Variants in SATB1 observed in about 807,000 individuals in gnomAD.
SATB1 encodes DNA-binding protein SATB1.
In SATB1, 11 loss-of-function variants were observed where a neutral mutation model predicts 86.9. The observed-to-expected ratio is 0.13, with a 90% CI of 0.08 to 0.21. SATB1 has a LOEUF of 0.21. Among genes scored for constraint, SATB1 ranks in the 10% least tolerant of loss-of-function variants. The pLI, the probability that SATB1 is intolerant of heterozygous loss-of-function variation, is 1.00. For missense variants in SATB1, 551 were observed against 937.6 expected (o/e 0.59, Z 5.39); for synonymous variants, 357 against 357.2 (o/e 1.00, Z 0.01).
At chr3:18,419,323 A>T (rs1020429926) in intron 2 of SATB1, among the ~76,000 whole-genome samples, 1 of 152,174 alleles carries the variant, frequency 6.6e-6, no homozygotes, top group Non-Finnish European at 1.5e-5. Context: ...ATAACCTTCC[A>T]GCATTTAAAG....
chr3:18,349,732 C>T lies in SATB1; in HGVS notation c.1780-50G>A. On this transcript the variant is annotated intron_variant, in intron 10 of 10. Coordinates refer to ENST00000338745, the MANE Select transcript of SATB1 (RefSeq NM_002971.6). The surrounding 1 kb of genome is among the most constrained non-coding windows in gnomAD (Gnocchi z 5.5). ...AGAGCTCTGCTATCGTGGAGTTCCA[C>T]ACAAAGCCGTCTCCAATCAGGAAAA... is the stretch of plus-strand genomic sequence containing the variant. 1.3e-6 allele frequency: 2 copies of T among 1,535,608 alleles called. No homozygotes were observed. The highest frequency in any genetic ancestry group is 8.8e-7 in the Non-Finnish European group (1 of 1,141,956).
intron 5 of SATB1, among the ~76,000 whole-genome samples, chr3:18,397,952 C>T (rs960366331): frequency 1.3e-5 from 2 of 152,146 alleles, no homozygotes; most frequent in Non-Finnish European, 2.9e-5. Context: ...CACAGAGATC[C>T]TCTATCAAGA....
At chr3:18,435,638 T>C (rs2125203216) in intron 2 of SATB1, among the ~76,000 whole-genome samples, 1 of 152,214 alleles carries the variant, frequency 6.6e-6, no homozygotes, top group South Asian at 2.1e-4. Flanking sequence ...CTACTTTCTT[T>C]AATTTTGAAA....
At position 18,444,742 on chromosome 3, in the gene SATB1, G is replaced by C; in HGVS notation, c.-25+776C>G. The C allele has an allele frequency of 1.4e-6, 1 of 739,194 alleles. No homozygotes were observed. The highest frequency in any genetic ancestry group is 1.7e-6 in the Non-Finnish European group (1 of 605,448). The allele number at this position is 739,194 out of a possible 1,614,324, so 45.8% of individuals were successfully genotyped here. On this transcript the variant is annotated intron_variant, in intron 1 of 3. Transcript: ENST00000415069. The surrounding 1 kb of genome is among the most constrained non-coding windows in gnomAD (Gnocchi z 5.1). Reference sequence around the variant, plus strand: ...CTCTCCTGCCGCCGCCGCCGCCGCCGGAGCTGCGGCTGCCGCGGAAGTTAA... The same window carrying C: ...CTCTCCTGCCGCCGCCGCCGCCGCCCGAGCTGCGGCTGCCGCGGAAGTTAA...
At chr3:18,375,258 G>C (rs1200149316) in intron 9 of SATB1, among the ~76,000 whole-genome samples, 2 of 152,132 alleles carry the variant, frequency 1.3e-5, no homozygotes, top group Non-Finnish European at 2.9e-5. Flanking sequence ...ATTTGGAGTT[G>C]GCTGTACTAC....
chr3:18,423,227 G>A (rs952731049), intron 1 of SATB1, among the ~76,000 whole-genome samples: 1 of 152,084 alleles, frequency 6.6e-6, no homozygotes, highest in African/African-American at 2.4e-5. Flanking sequence ...TGCAATGTCT[G>A]GTTGCCACAC....
At chr3:18,392,002 C>G (rs1172834260) in intron 7 of SATB1, among the ~76,000 whole-genome samples, 2 of 152,104 alleles carry the variant, frequency 1.3e-5, no homozygotes, top group African/African-American at 4.8e-5. Flanking sequence ...TTAAGTCAAA[C>G]ATCTTCAAAT....
In SATB1 at chr3:18,348,951, T is replaced by C. The variant is rs1694202718; in HGVS notation, c.*219A>G. On this transcript the variant is annotated 3_prime_UTR_variant, in exon 11 of 11. Coordinates refer to ENST00000338745, the MANE Select transcript of SATB1 (RefSeq NM_002971.6). ...CACAAATTTTAATACCAAACAATCC[T>C]TGATGCTTCACCTGGGGCTGCCAAG... The C allele has an allele frequency of 1.5e-6, 1 of 689,144 alleles. No individual in the cohort carries two copies. The allele number at this position is 689,144 out of a possible 1,614,324, so 42.7% of individuals were successfully genotyped here.
chr3:18,376,233 G>T (rs564805470), intron 9 of SATB1, among the ~76,000 whole-genome samples: 44 of 150,884 alleles, frequency 2.9e-4, no homozygotes, highest in Admixed American at 2.5e-3. Flanking sequence ...AGATAGCAAA[G>T]GAATTATCAA....
intron 9 of SATB1, among the ~76,000 whole-genome samples, chr3:18,359,288 T>C (rs1222307028): frequency 6.6e-6 from 1 of 151,984 alleles, no homozygotes; most frequent in Non-Finnish European, 1.5e-5. Flanking sequence ...CCAGAGCAGA[T>C]ACAAATGGTT....
intron 5 of SATB1, among the ~76,000 whole-genome samples, chr3:18,413,581 G>C (rs1367563740): frequency 6.6e-6 from 1 of 152,024 alleles, no homozygotes; most frequent in Non-Finnish European, 1.5e-5. Context: ...CCTGAAGTAA[G>C]AGTCACCCTT....
intron 9 of SATB1, among the ~76,000 whole-genome samples, chr3:18,375,032 C>T (rs974392967): frequency 3.9e-5 from 6 of 152,154 alleles, no homozygotes; most frequent in Admixed American, 1.3e-4. Context: ...GTACACCCAC[C>T]TCCATTAGGT....
intron 2 of SATB1, chr3:18,417,534 CCAAA>C (rs760902406): frequency 1.5e-5 from 9 of 614,648 alleles, no homozygotes; most frequent in African/African-American, 5.6e-5. Flanking sequence ...GGGTTTGTGT[CCAAA>C]CAAATTATCT....
At chr3:18,397,741 T>C (rs1303639100) in intron 5 of SATB1, among the ~76,000 whole-genome samples, 2 of 152,202 alleles carry the variant, frequency 1.3e-5, no homozygotes, top group African/African-American at 4.8e-5. Context: ...GGAAGCTTGT[T>C]AGAAATGCAG....
chr3:18,370,514 GCAAAAAAAA>G (rs1233091087), intron 9 of SATB1, among the ~76,000 whole-genome samples: 1 of 13,236 alleles, frequency 7.6e-5, no homozygotes, highest in Non-Finnish European at 1.5e-4. Context: ...ACTGAGAGAG[GCAAAAAAAA>G]AAAAAAAAAA....
intron 7 of SATB1, among the ~76,000 whole-genome samples, chr3:18,391,554 G>A (rs1696675406): frequency 1.8e-5 from 2 of 112,230 alleles, no homozygotes; most frequent in Admixed American, 2.7e-4. Context: ...ACAGTCCCCA[G>A]AGTGTGATAT....
intron 5 of SATB1, among the ~76,000 whole-genome samples, chr3:18,403,415 C>CT (rs1251956156): frequency 2.0e-5 from 3 of 151,966 alleles, no homozygotes; most frequent in African/African-American, 7.2e-5. Flanking sequence ...ATCTGAATAT[C>CT]TTTTTTCTGT....
rs149307419 is a variant in SATB1 at position 18,394,570 on chromosome 3, C to G, written c.1098G>C (p.Ser366=). 3 of 1,613,964 alleles carry G rather than the reference C, an allele frequency of 1.9e-6. No homozygotes were observed. The highest frequency in any genetic ancestry group is 2.7e-5 in the African/African-American group (2 of 74,882). The change falls in exon 7 of 11, where the codon TCG becomes TCC. Residue 366 remains serine (S), a synonymous_variant. Coordinates refer to ENST00000338745, the MANE Select transcript of SATB1 (RefSeq NM_002971.6). The surrounding 1 kb of genome is among the most constrained non-coding windows in gnomAD (Gnocchi z 5.9). ...TTTCGGAAGACACCTCTGTGTTGGT[C>G]GAAACCTGTTGCTCCAAAGGCTTAT... ...SMNKPLEQQV[S]TNTEVSSEIY... is the part of the protein sequence containing the mutation.
chr3:18,369,716 G>A (rs1275370477), intron 9 of SATB1, among the ~76,000 whole-genome samples: 3 of 152,046 alleles, frequency 2.0e-5, no homozygotes, highest in Non-Finnish European at 4.4e-5. Flanking sequence ...AGGGATGGGG[G>A]GGTGGGAGGA....
Sources: allele counts gnomAD v4.1 joint callset (sites outside exome capture counted in the v4.1 genomes callset), GRCh38; gene constraint gnomAD v4.1.1; non-coding constraint Gnocchi (gnomAD v3.1); transcripts MANE v1.5; gene names NCBI Gene and HGNC (gene_info 2026-07-23, HGNC 2026-07-21).